TSHZ2: variants seen among roughly 807,000 people sequenced by gnomAD.
The protein encoded by TSHZ2 is teashirt zinc finger homeobox 2.
TSHZ2 carries 21 observed loss-of-function variants against 74.4 expected under a neutral mutation model. The observed-to-expected ratio is 0.28, with a 90% CI of 0.20 to 0.41. The LOEUF (loss-of-function observed/expected upper bound fraction) is 0.41. Ranked by LOEUF, TSHZ2 falls within the 10% of genes least tolerant of loss-of-function variation. The pLI, the probability that TSHZ2 is intolerant of heterozygous loss-of-function variation, is 1.00. For missense variants in TSHZ2, 1,244 were observed against 1,293.5 expected, an observed-to-expected ratio of 0.96 and a Z score of 0.59; for synonymous variants, 540 against 515.3, an observed-to-expected ratio of 1.05 and a Z score of -0.65.
At position 53,492,407 on chromosome 20, in the gene TSHZ2, A is replaced by G. The variant is rs1986474056; in HGVS notation, c.*5272A>G. On this transcript the variant is annotated 3_prime_UTR_variant, in exon 3 of 3. Transcript: ENST00000371497. ...ATTACAAACATTCCAGTTTCGCAATACAATACTTGAGCTTTCGAACACCTC... is the reference window on the plus strand; with the variant it reads ...ATTACAAACATTCCAGTTTCGCAATGCAATACTTGAGCTTTCGAACACCTC... 3 of 152,244 alleles carry G rather than the reference A, an allele frequency of 2.0e-5. No homozygotes were observed. The highest frequency in any genetic ancestry group is 1.9e-4 in the East Asian group (1 of 5,204). 9.4% of individuals were successfully genotyped at this position (152,244 alleles called of 1,614,324 possible).
intron 1 of TSHZ2, among the ~76,000 whole-genome samples, chr20:53,194,650 G>A (rs368582121): frequency 8.5e-5 from 13 of 152,200 alleles, no homozygotes; most frequent in African/African-American, 2.9e-4. Flanking sequence ...GGGGGCTTGG[G>A]CAATTGATAG....
At chr20:53,417,588 C>T (rs1465337497) in intron 2 of TSHZ2, among the ~76,000 whole-genome samples, 2 of 152,138 alleles carry the variant, frequency 1.3e-5, no homozygotes, top group African/African-American at 2.4e-5. Flanking sequence ...TGAACCACTG[C>T]ACCCGGCTGT....
intron 2 of TSHZ2, among the ~76,000 whole-genome samples, chr20:53,360,785 A>G (rs1169309531): frequency 6.6e-6 from 1 of 152,246 alleles, no homozygotes; most frequent in Non-Finnish European, 1.5e-5. Flanking sequence ...GACCTGGAGT[A>G]TCAAACCCAG....
At chr20:53,096,827 A>G (rs1213671118) in intron 1 of TSHZ2, among the ~76,000 whole-genome samples, 1 of 152,038 alleles carries the variant, frequency 6.6e-6, no homozygotes, top group Non-Finnish European at 1.5e-5. Flanking sequence ...GGTAGCAGTG[A>G]GGTGAGATCC....
intron 2 of TSHZ2, among the ~76,000 whole-genome samples, chr20:53,415,782 A>ATGTG (rs1019654623): frequency 1.5e-4 from 5 of 34,282 alleles, no homozygotes; most frequent in African/African-American, 4.5e-4. Context: ...CTATAAATGT[A>ATGTG]TGTGTGTGTG....
At chr20:53,351,085 C>T (rs1364609345) in intron 2 of TSHZ2, among the ~76,000 whole-genome samples, 3 of 152,158 alleles carry the variant, frequency 2.0e-5, no homozygotes, top group Non-Finnish European at 2.9e-5. Flanking sequence ...AATTGCAATT[C>T]GTTAGGAAGA....
intron 1 of TSHZ2, among the ~76,000 whole-genome samples, chr20:53,086,924 C>T (rs8183976): frequency 0.16 from 23,731 of 151,962 alleles, 2,226 homozygotes; most frequent in East Asian, 0.36. Context: ...GCATGTTAGA[C>T]GTGAAATGCT....
At chr20:53,175,130 TC>T (rs372039641) in intron 1 of TSHZ2, among the ~76,000 whole-genome samples, 28 of 136,266 alleles carry the variant, frequency 2.1e-4, no homozygotes, top group African/African-American at 2.5e-4. Context: ...TCTTCTTCTT[TC>T]TTTTTTTTTT....
intron 1 of TSHZ2, among the ~76,000 whole-genome samples, chr20:53,014,025 C>G (rs1369224711): frequency 6.6e-6 from 1 of 152,172 alleles, no homozygotes; most frequent in African/African-American, 2.4e-5. Context: ...TATTAGTCAG[C>G]TCAGGCTGCT....
intron 2 of TSHZ2, among the ~76,000 whole-genome samples, chr20:53,345,978 T>G (rs1489586965): frequency 6.6e-6 from 1 of 152,098 alleles, no homozygotes; most frequent in Admixed American, 6.5e-5. Context: ...GGGACCCCCT[T>G]GCACAAATGA....
At chr20:53,260,818 C>T (rs1990586595) in intron 2 of TSHZ2, among the ~76,000 whole-genome samples, 1 of 152,224 alleles carries the variant, frequency 6.6e-6, no homozygotes, top group African/African-American at 2.4e-5. Context: ...ACTACATGCT[C>T]TTACCATGCT....
At chr20:53,120,936 G>A (rs1447741462) in intron 1 of TSHZ2, among the ~76,000 whole-genome samples, 1 of 152,068 alleles carries the variant, frequency 6.6e-6, no homozygotes, top group East Asian at 1.9e-4. Flanking sequence ...TTGTCATGAT[G>A]CACTTATTTT....
intron 2 of TSHZ2, among the ~76,000 whole-genome samples, chr20:53,284,956 G>C (rs1450302460): frequency 1.3e-5 from 2 of 152,108 alleles, no homozygotes; most frequent in African/African-American, 4.8e-5. Flanking sequence ...GGAAATGATC[G>C]TAGACATCCC....
At chr20:53,376,475 T>C (rs1387728740) in intron 2 of TSHZ2, among the ~76,000 whole-genome samples, 1 of 152,200 alleles carries the variant, frequency 6.6e-6, no homozygotes, top group African/African-American at 2.4e-5. Context: ...AAAGATATTC[T>C]CTTCTGCATA....
chr20:53,378,750 A>T (rs2184261), intron 2 of TSHZ2, among the ~76,000 whole-genome samples: 1,718 of 151,638 alleles, frequency 0.011, 101 homozygotes, highest in Admixed American at 0.09. Context: ...ATATGTCTTT[A>T]AAAAAAAACT....
At position 53,364,795 on chromosome 20, in the gene TSHZ2, G is replaced by A. The variant is rs146144008; in HGVS notation, c.*8+108224G>A. Among the ~76,000 whole-genome samples, 317 of 152,322 alleles carry A rather than the reference G, an allele frequency of 2.1e-3. 2 individuals carry two copies. In the Middle Eastern group the frequency reaches 0.024, roughly 11 times the overall value. On this transcript the variant is annotated intron_variant, in intron 2 of 2. Coordinates refer to ENST00000371497, the MANE Select transcript of TSHZ2 (RefSeq NM_173485.6). ...TCTGGAAGGCATTGCCAACACCAGCGGAACTTGCAGCAGGAGTTTTATGAC... is the reference window on the plus strand; with the variant it reads ...TCTGGAAGGCATTGCCAACACCAGCAGAACTTGCAGCAGGAGTTTTATGAC...
chr20:52,985,229 G>T (rs961171238), intron 1 of TSHZ2, among the ~76,000 whole-genome samples: 2 of 151,998 alleles, frequency 1.3e-5, no homozygotes, highest in Non-Finnish European at 2.9e-5. Flanking sequence ...ATTTCATCTC[G>T]GTGCGACCTC....
chr20:53,256,216 G>T lies in TSHZ2; in HGVS notation c.2758G>T (p.Asp920Tyr), dbSNP rs988860109. Residue 920 changes from aspartate to tyrosine, a missense_variant, in exon 2 of 3, where the codon GAC becomes TAC. By Grantham distance (160) the Asp-to-Tyr change is radical. Transcript: ENST00000371497. The surrounding 1 kb of genome is among the most constrained non-coding windows in gnomAD (Gnocchi z 4.3). ...TGGTKFLKNM[D>Y]KGHPIFYCSD... The stretch of plus-strand genomic sequence containing the variant: ...CGGGACAAAATTTCTGAAAAACATG[G>T]ACAAAGGCCACCCCATCTTTTATTG... The T allele has an allele frequency of 2.5e-6, 4 of 1,613,566 alleles. No homozygotes were observed. Among genetic ancestry groups the T allele is most frequent in the Non-Finnish European group, 3.4e-6 (4 of 1,179,616 alleles).
chr20:53,229,620 T>G (rs1487390817), intron 1 of TSHZ2, among the ~76,000 whole-genome samples: 1 of 152,126 alleles, frequency 6.6e-6, no homozygotes, highest in Non-Finnish European at 1.5e-5. Context: ...AATAGTTCAT[T>G]AATTAAGGGT....
Sources: allele counts gnomAD v4.1 joint callset (sites outside exome capture counted in the v4.1 genomes callset), GRCh38; gene constraint gnomAD v4.1.1; non-coding constraint Gnocchi (gnomAD v3.1); transcripts MANE v1.5; gene names NCBI Gene and HGNC (gene_info 2026-07-23, HGNC 2026-07-21).